The following PDZRN4 variants were observed in gnomAD, a reference collection of about 807,000 sequenced individuals.
PDZRN4 encodes PDZ domain-containing RING finger protein 4.
Under a neutral mutation model 99.0 loss-of-function variants are expected in PDZRN4, and 70 were observed. That is an observed-to-expected ratio of 0.71 (90% confidence interval 0.58 to 0.86). The LOEUF is 0.86. Among genes scored for constraint, PDZRN4 ranks in the 40% least tolerant of loss-of-function variants. The pLI, the probability that PDZRN4 is intolerant of heterozygous loss-of-function variation, is 0.00. For synonymous variants in PDZRN4, 551 were observed against 501.6 expected (o/e 1.10, Z -1.32); for missense variants, 1,474 against 1,331.2 (o/e 1.11, Z -1.67).
chr12:41,244,773 T>C (rs548888855), intron 3 of PDZRN4, among the ~76,000 whole-genome samples: 334 of 149,576 alleles, frequency 2.2e-3, no homozygotes, highest in African/African-American at 7.8e-3. Flanking sequence ...CAAGCTCTGC[T>C]TCCCGGGTTC....
At chr12:41,524,535 C>T (rs945104126) in intron 5 of PDZRN4, among the ~76,000 whole-genome samples, 2 of 151,908 alleles carry the variant, frequency 1.3e-5, no homozygotes, top group African/African-American at 4.8e-5. Context: ...GTTCAGAGTC[C>T]CTTAGGAAAG....
At chr12:41,273,446 C>T (rs1398505142) in intron 3 of PDZRN4, among the ~76,000 whole-genome samples, 2 of 152,030 alleles carry the variant, frequency 1.3e-5, no homozygotes, top group African/African-American at 2.4e-5. Context: ...AAAGAAGAAA[C>T]AGTGAATTCA....
Position 41,194,155 on chromosome 12 carries a change from A to G in PDZRN4, c.810A>G (p.Ala270=), listed in dbSNP as rs1024756241. Residue 270 remains alanine, a synonymous_variant, in exon 3 of 10, where the codon GCA becomes GCG. Transcript: ENST00000402685. Reference sequence around the variant, plus strand: ...TAGAAAATGGACCTGCTGACAGAGCAGATGGCCTGGAGATTCATGACAAAA... The same window carrying G: ...TAGAAAATGGACCTGCTGACAGAGCGGATGGCCTGGAGATTCATGACAAAA... ...KILENGPADR[A]DGLEIHDKIM... is the part of the protein sequence containing the mutation. 6.4e-7 allele frequency: 1 copy of G among 1,552,118 alleles called. No individual in the cohort carries two copies. Among genetic ancestry groups the G allele is most frequent in the Non-Finnish European group, 8.8e-7 (1 of 1,136,744 alleles).
intron 3 of PDZRN4, among the ~76,000 whole-genome samples, chr12:41,200,367 A>G (rs1300675849): frequency 6.6e-6 from 1 of 152,112 alleles, no homozygotes; most frequent in Non-Finnish European, 1.5e-5. Flanking sequence ...TTGCCACATC[A>G]CTGAGACTTT....
intron 3 of PDZRN4, among the ~76,000 whole-genome samples, chr12:41,496,621 T>C (rs1211749353): frequency 6.6e-6 from 1 of 152,090 alleles, no homozygotes; most frequent in African/African-American, 2.4e-5. Context: ...TCAGAAATCA[T>C]TTGTACAATA....
At chr12:41,509,729 T>TA in intron 4 of PDZRN4, 82 bp from the exon 5 acceptor site, 1 of 680,696 alleles carries the variant, frequency 1.5e-6, no homozygotes, top group Non-Finnish European at 2.6e-6. Context: ...CAGAGCAAAC[T>TA]AAAGTGAAAT....
chr12:41,372,434 C>T, intron 3 of PDZRN4, among the ~76,000 whole-genome samples: 1 of 152,028 alleles, frequency 6.6e-6, no homozygotes, highest in East Asian at 1.9e-4. Flanking sequence ...ATAAATGTTG[C>T]TATGGGAATA....
At chr12:41,444,882 C>A in intron 3 of PDZRN4, among the ~76,000 whole-genome samples, 1 of 151,894 alleles carries the variant, frequency 6.6e-6, no homozygotes, top group East Asian at 1.9e-4. Flanking sequence ...TTATTCAAGA[C>A]CTTTGAAGAA....
chr12:41,359,482 C>A (rs927068033), intron 3 of PDZRN4, among the ~76,000 whole-genome samples: 3 of 151,886 alleles, frequency 2.0e-5, no homozygotes, highest in Non-Finnish European at 4.4e-5. Flanking sequence ...TGTGTCCCCA[C>A]CCAAATCTCA....
chr12:41,318,352 T>A lies in PDZRN4; in HGVS notation c.843+124164T>A, dbSNP rs185593843. Among the ~76,000 whole-genome samples, 5 of 152,344 alleles carry A rather than the reference T, an allele frequency of 3.3e-5. No individual in the cohort carries two copies. The East Asian group carries it at 9.6e-4, about 29-fold the overall frequency. ...TTCCATACTCTAATATGCATTAAAC[T>A]TCAAAATTAACTGAACCCTTAGAAA... is the stretch of plus-strand genomic sequence containing the variant. On this transcript the variant is annotated intron_variant, in intron 3 of 9. Coordinates refer to ENST00000402685, the MANE Select transcript of PDZRN4 (RefSeq NM_001164595.2).
At chr12:41,256,794 C>A (rs2120821615) in intron 3 of PDZRN4, among the ~76,000 whole-genome samples, 1 of 152,296 alleles carries the variant, frequency 6.6e-6, no homozygotes, top group Middle Eastern at 3.4e-3. Context: ...TGTTTTTCTA[C>A]CAAATCTGTC....
intron 3 of PDZRN4, among the ~76,000 whole-genome samples, chr12:41,254,449 A>C (rs1206965731): frequency 6.6e-6 from 1 of 152,236 alleles, no homozygotes; most frequent in East Asian, 1.9e-4. Flanking sequence ...AGTTACACCC[A>C]AATGAAATCT....
chr12:41,442,279 T>G (rs1952686132), intron 3 of PDZRN4, among the ~76,000 whole-genome samples: 1 of 152,154 alleles, frequency 6.6e-6, no homozygotes, highest in Non-Finnish European at 1.5e-5. Context: ...GAATACACCT[T>G]GTAATCATCT....
chr12:41,430,924 A>C (rs1952581395), intron 3 of PDZRN4, among the ~76,000 whole-genome samples: 1 of 152,206 alleles, frequency 6.6e-6, no homozygotes, highest in South Asian at 2.1e-4. Context: ...AAAGGGGGAA[A>C]GAGGCATCTC....
chr12:41,547,826 A>G (rs1455127674), intron 5 of PDZRN4, among the ~76,000 whole-genome samples: 1 of 152,114 alleles, frequency 6.6e-6, no homozygotes, highest in African/African-American at 2.4e-5. Flanking sequence ...TAAAATCTAC[A>G]CCAAATAGGT....
At chr12:41,354,717 C>T (rs1951914472) in intron 3 of PDZRN4, among the ~76,000 whole-genome samples, 1 of 151,952 alleles carries the variant, frequency 6.6e-6, no homozygotes, top group Non-Finnish European at 1.5e-5. Flanking sequence ...AAAATTATTC[C>T]TTTATTTTAC....
intron 3 of PDZRN4, among the ~76,000 whole-genome samples, chr12:41,477,579 A>G (rs1485470155): frequency 6.6e-6 from 1 of 152,140 alleles, no homozygotes; most frequent in African/African-American, 2.4e-5. Flanking sequence ...GTTTATTTCC[A>G]TTGTTTAGAA....
rs529133404 is a variant in PDZRN4 at position 41,486,264 on chromosome 12, A to G, written c.844-20192A>G. 1.3e-3 allele frequency among the ~76,000 whole-genome samples: 202 copies of G among 152,264 alleles called. 7 individuals are homozygous for G. The South Asian group carries it at 0.041, about 31-fold the overall frequency. On this transcript the variant is annotated intron_variant, in intron 3 of 9. Transcript: ENST00000402685. Reference sequence around the variant, plus strand: ...CCCGTTTTGTTAAATCCAATGTTTGAGATACTTTTTGAATTGAGTTGGGGA... The same window carrying G: ...CCCGTTTTGTTAAATCCAATGTTTGGGATACTTTTTGAATTGAGTTGGGGA...
chr12:41,477,470 A>T (rs1396633939), intron 3 of PDZRN4, among the ~76,000 whole-genome samples: 1 of 152,242 alleles, frequency 6.6e-6, no homozygotes, highest in South Asian at 2.1e-4. Flanking sequence ...AGAGGTTGGC[A>T]CATGTCTGTT....
Sources: allele counts gnomAD v4.1 joint callset (sites outside exome capture counted in the v4.1 genomes callset), GRCh38; gene constraint gnomAD v4.1.1; transcripts MANE v1.5; gene names NCBI Gene and HGNC (gene_info 2026-07-23, HGNC 2026-07-21).